RBFOX1: variants seen among roughly 807,000 people sequenced by gnomAD.
RBFOX1 encodes the protein RNA binding fox-1 homolog 1, also known as RNA binding protein fox-1 homolog 1.
In RBFOX1, 8 loss-of-function variants were observed where a neutral mutation model predicts 57.7. The observed-to-expected ratio is 0.14, with a 90% CI of 0.08 to 0.25. RBFOX1 has a LOEUF of 0.25. Among genes scored for constraint, RBFOX1 ranks in the 10% least tolerant of loss-of-function variants. The pLI is 1.00. For missense variants in RBFOX1, 611 were observed against 548.5 expected (o/e 1.11, Z -1.14); for synonymous variants, 326 against 222.4 (o/e 1.47, Z -4.15).
chr16:6,521,755 C>G (rs1204142945), intron 2 of RBFOX1, among the ~76,000 whole-genome samples: 1 of 152,042 alleles, frequency 6.6e-6, no homozygotes. Context: ...TTTAGATACG[C>G]TTTGTAAACA....
chr16:5,553,064 T>C (rs527802775), intron 2 of RBFOX1, among the ~76,000 whole-genome samples: 2 of 152,196 alleles, frequency 1.3e-5, no homozygotes, highest in African/African-American at 4.8e-5. Context: ...TTCTCATTCA[T>C]AGGTGGGAAT....
At chr16:6,222,197 T>C (rs577814182) in intron 1 of RBFOX1, among the ~76,000 whole-genome samples, 21 of 152,182 alleles carry the variant, frequency 1.4e-4, no homozygotes, top group Admixed American at 3.3e-4. Context: ...TTTTATAAAA[T>C]ACAATGTTAT....
At chr16:7,069,311 C>G (rs1027598784) in intron 4 of RBFOX1, among the ~76,000 whole-genome samples, 3 of 152,136 alleles carry the variant, frequency 2.0e-5, no homozygotes, top group African/African-American at 7.2e-5. Context: ...AGGTATTAAG[C>G]CCTGCGTGCA....
intron 3 of RBFOX1, among the ~76,000 whole-genome samples, chr16:5,789,805 C>A (rs9923094): frequency 0.15 from 23,418 of 152,094 alleles, 1,955 homozygotes; most frequent in African/African-American, 0.19. Flanking sequence ...ATGTCTCCTT[C>A]TAACCGCCAG....
At chr16:7,511,724 C>T (rs914100047) in intron 4 of RBFOX1, among the ~76,000 whole-genome samples, 1 of 152,018 alleles carries the variant, frequency 6.6e-6, no homozygotes, top group Non-Finnish European at 1.5e-5. Context: ...TAAGTAATGA[C>T]AGGTTTCCAT....
At chr16:5,966,185 C>G (rs1262274017) in intron 4 of RBFOX1, among the ~76,000 whole-genome samples, 2 of 151,750 alleles carry the variant, frequency 1.3e-5, no homozygotes, top group African/African-American at 4.9e-5. Context: ...ACTCATAAAG[C>G]CACCGTGAGT....
chr16:7,029,401 G>C lies in RBFOX1; in HGVS notation c.-15-22656G>C, dbSNP rs192334671. On this transcript the variant is annotated intron_variant, in intron 3 of 15. Transcript: ENST00000550418. ...GATGCGTCACACAGAAGAAACATGA[G>C]TCTTCAGTTCTTCTTTTGCTCTTGT... Among the ~76,000 whole-genome samples, 90 of 151,302 alleles carry C rather than the reference G, an allele frequency of 5.9e-4. No individual in the cohort carries two copies. The South Asian group carries it at 6.9e-3, about 12-fold the overall frequency.
At chr16:6,385,630 G>C (rs766581726) in intron 2 of RBFOX1, among the ~76,000 whole-genome samples, 5 of 152,232 alleles carry the variant, frequency 3.3e-5, no homozygotes, top group Non-Finnish European at 5.9e-5. Context: ...GATGTGCTGG[G>C]ATTACAGCAA....
intron 3 of RBFOX1, among the ~76,000 whole-genome samples, chr16:5,839,137 G>T (rs1056464389): frequency 2.0e-5 from 3 of 152,080 alleles, no homozygotes; most frequent in Non-Finnish European, 2.9e-5. Context: ...TGAAAAACAC[G>T]GACTTATAAC....
chr16:6,660,001 C>T (rs75434016), intron 3 of RBFOX1, among the ~76,000 whole-genome samples: 5,581 of 151,982 alleles, frequency 0.037, 258 homozygotes, highest in East Asian at 0.1. Context: ...GAGGGTGAGG[C>T]GGCCTCCAAG....
rs549179158 is a variant in RBFOX1 at position 6,996,177 on chromosome 16, C to T, written c.-15-55880C>T. 1.6e-3 allele frequency among the ~76,000 whole-genome samples: 238 copies of T among 152,228 alleles called. 3 individuals carry two copies. The highest frequency in any genetic ancestry group is 3.4e-3 in the Middle Eastern group (1 of 292). On this transcript the variant is annotated intron_variant, in intron 3 of 15. Transcript: ENST00000550418. Reference sequence around the variant, plus strand: ...TCATCTGAAATAACATGGCAGTTCCCGATAAATCATTGCCTTTTTGATTTC... The same window carrying T: ...TCATCTGAAATAACATGGCAGTTCCTGATAAATCATTGCCTTTTTGATTTC...
At chr16:7,365,396 C>T (rs924414086) in intron 4 of RBFOX1, among the ~76,000 whole-genome samples, 7 of 152,128 alleles carry the variant, frequency 4.6e-5, no homozygotes, top group Admixed American at 4.6e-4. Flanking sequence ...TAGCCATAGC[C>T]AGGCAGGACA....
intron 4 of RBFOX1, among the ~76,000 whole-genome samples, chr16:7,288,271 C>G (rs1041264653): frequency 1.3e-5 from 2 of 152,180 alleles, no homozygotes; most frequent in African/African-American, 2.4e-5. Flanking sequence ...AATTGTTCAA[C>G]TTTCAGACAT....
intron 4 of RBFOX1, among the ~76,000 whole-genome samples, chr16:7,344,677 C>A (rs1157632277): frequency 6.6e-6 from 1 of 152,118 alleles, no homozygotes; most frequent in African/African-American, 2.4e-5. Context: ...TTGAAGCATT[C>A]TGGCCAGACT....
intron 4 of RBFOX1, among the ~76,000 whole-genome samples, chr16:7,068,557 A>G (rs992509291): frequency 1.3e-5 from 2 of 152,172 alleles, no homozygotes; most frequent in Non-Finnish European, 2.9e-5. Context: ...CTACCATAAT[A>G]GTACTGACTC....
chr16:6,212,708 A>C (rs56343273), intron 1 of RBFOX1, among the ~76,000 whole-genome samples: 40,381 of 148,186 alleles, frequency 0.27, 6,706 homozygotes, highest in East Asian at 0.41. Context: ...GTCTGTCAAA[A>C]AAACAAACAA....
intron 4 of RBFOX1, among the ~76,000 whole-genome samples, chr16:7,119,396 TA>T (rs1181371370): frequency 6.6e-6 from 1 of 152,022 alleles, no homozygotes. Context: ...AAAAGTACAA[TA>T]AACGAGCTAT....
At chr16:5,822,113 A>G (rs1002769612) in intron 3 of RBFOX1, among the ~76,000 whole-genome samples, 4 of 152,248 alleles carry the variant, frequency 2.6e-5, no homozygotes, top group Non-Finnish European at 5.9e-5. Context: ...TGCCACAAAC[A>G]TGAATTAACA....
chr16:7,030,498 A>G (rs1213820191), intron 3 of RBFOX1, among the ~76,000 whole-genome samples: 1 of 152,166 alleles, frequency 6.6e-6, no homozygotes, highest in Admixed American at 6.5e-5. Context: ...CCCACCTTCC[A>G]GTGGCTCCAG....
Sources: gnomAD v4.1 joint callset for allele counts (sites outside exome capture counted in the v4.1 genomes callset) on GRCh38, gnomAD v4.1.1 for gene constraint, MANE v1.5 for transcripts, NCBI Gene and HGNC (gene_info 2026-07-23, HGNC 2026-07-21) for gene names.